The following SGCZ variants were observed in gnomAD, a reference collection of about 807,000 sequenced individuals.
The protein encoded by SGCZ is zeta-sarcoglycan.
A neutral mutation model predicts 41.3 loss-of-function variants in SGCZ; 40 were observed. The ratio of observed to expected loss-of-function variants is 0.97; its 90% CI spans 0.75 to 1.26. The LOEUF (loss-of-function observed/expected upper bound fraction) is 1.26. SGCZ is among the 50% of genes most tolerant of loss of function. The probability of loss-of-function intolerance (pLI) is 0.00; values close to 1 mark genes in which losing one functional copy is unlikely to be tolerated. For missense variants in SGCZ, 552 were observed against 369.8 expected (o/e 1.49, Z -4.04); for synonymous variants, 206 against 137.5 (o/e 1.50, Z -3.49).
chr8:14,506,729 A>T (rs1463492056), intron 2 of SGCZ, among the ~76,000 whole-genome samples: 2 of 152,064 alleles, frequency 1.3e-5, no homozygotes, highest in East Asian at 3.9e-4. Flanking sequence ...ACTAAATTGA[A>T]TGGTCCATCT....
At chr8:14,819,196 A>G (rs1801995084) in intron 1 of SGCZ, among the ~76,000 whole-genome samples, 4 of 152,192 alleles carry the variant, frequency 2.6e-5, no homozygotes, top group South Asian at 4.1e-4. Context: ...GTCAAGTCAC[A>G]TATAAGGGAA....
rs1009294207 is a variant in SGCZ at position 14,654,009 on chromosome 8, T to C, written c.40-99083A>G. 3.9e-5 allele frequency among the ~76,000 whole-genome samples: 6 copies of C among 152,234 alleles called. 1 individual carries two copies. In the East Asian group the frequency reaches 9.7e-4, roughly 25 times the overall value. On this transcript the variant is annotated intron_variant, in intron 1 of 7. Transcript: ENST00000382080. ...TGCTTGCTCAATTGAATTTCTTCAA[T>C]GAAGCCATTTAGGACAATGCATGAT...
At chr8:14,239,957 A>T (rs1049777292) in intron 3 of SGCZ, among the ~76,000 whole-genome samples, 2 of 150,614 alleles carry the variant, frequency 1.3e-5, no homozygotes, top group Admixed American at 6.6e-5. Flanking sequence ...CTTATTACAC[A>T]TGTTAAAATA....
intron 1 of SGCZ, among the ~76,000 whole-genome samples, chr8:14,994,071 C>T (rs1026099599): frequency 2.0e-5 from 3 of 152,098 alleles, no homozygotes; most frequent in African/African-American, 4.8e-5. Flanking sequence ...TGATTGGGTT[C>T]TGAGTATATT....
intron 2 of SGCZ, among the ~76,000 whole-genome samples, chr8:14,461,188 C>A (rs1032352560): frequency 6.6e-6 from 1 of 152,208 alleles, no homozygotes; most frequent in South Asian, 2.1e-4. Flanking sequence ...CTCCTACATT[C>A]CTTGTAGACA....
At chr8:14,199,571 G>T (rs1258470178) in intron 4 of SGCZ, among the ~76,000 whole-genome samples, 4 of 151,954 alleles carry the variant, frequency 2.6e-5, no homozygotes, top group Admixed American at 6.6e-5. Context: ...ATAAAAACTT[G>T]CTGGTTTTAC....
Position 14,985,441 on chromosome 8 carries a change from G to T in SGCZ, c.39+252144C>A, listed in dbSNP as rs1213553145. On this transcript the variant is annotated intron_variant, in intron 1 of 7. Transcript: ENST00000382080. Reference sequence around the variant, plus strand: ...CACACATGAAGTCACTTTATTTCAGGCAACTTTCCACTAAGAGGCAGAGCA... The same window carrying T: ...CACACATGAAGTCACTTTATTTCAGTCAACTTTCCACTAAGAGGCAGAGCA... Among the ~76,000 whole-genome samples the T allele has an allele frequency of 2.0e-5, 3 of 152,066 alleles. No individual in the cohort carries two copies. In the East Asian group the frequency reaches 5.8e-4, roughly 29 times the overall value.
At chr8:14,241,278 C>G (rs1047455404) in intron 3 of SGCZ, among the ~76,000 whole-genome samples, 1 of 151,520 alleles carries the variant, frequency 6.6e-6, no homozygotes. Flanking sequence ...ATAGTTTATT[C>G]TTGCTGAGAA....
intron 1 of SGCZ, among the ~76,000 whole-genome samples, chr8:14,928,547 C>T (rs1355535875): frequency 6.6e-6 from 1 of 152,124 alleles, no homozygotes; most frequent in African/African-American, 2.4e-5. Context: ...CTAAATTTAG[C>T]TTTAAACGTG....
chr8:15,097,783 TGTATATATATATAC>T (rs1322436422), intron 1 of SGCZ, among the ~76,000 whole-genome samples: 26 of 140,640 alleles, frequency 1.8e-4, no homozygotes, highest in African/African-American at 6.9e-4. Context: ...TATATATACG[TGTATATATATATAC>T]GTGTATATAT....
At chr8:14,581,232 G>A (rs968571699) in intron 1 of SGCZ, among the ~76,000 whole-genome samples, 5 of 151,990 alleles carry the variant, frequency 3.3e-5, no homozygotes, top group African/African-American at 1.2e-4. Flanking sequence ...CCTCAGCCAT[G>A]TGACTAGCTG....
chr8:14,557,941 T>C (rs967816593), intron 1 of SGCZ, among the ~76,000 whole-genome samples: 3 of 152,062 alleles, frequency 2.0e-5, no homozygotes, highest in East Asian at 3.9e-4. Flanking sequence ...AAGAAAAGAA[T>C]AGCGAAGCTC....
intron 5 of SGCZ, among the ~76,000 whole-genome samples, chr8:14,135,179 C>T (rs1314048298): frequency 6.6e-6 from 1 of 151,960 alleles, no homozygotes; most frequent in Non-Finnish European, 1.5e-5. Context: ...GAGTACTAGG[C>T]ATATAGTGGG....
chr8:14,257,202 C>T (rs560438668), intron 3 of SGCZ, among the ~76,000 whole-genome samples: 81 of 152,036 alleles, frequency 5.3e-4, no homozygotes, highest in South Asian at 8.3e-4. Flanking sequence ...TGGTACACAC[C>T]TGTAGTCTCA....
At chr8:14,814,121 T>G (rs1336401392) in intron 1 of SGCZ, among the ~76,000 whole-genome samples, 1 of 152,198 alleles carries the variant, frequency 6.6e-6, no homozygotes, top group East Asian at 1.9e-4. Context: ...GAACAGGATA[T>G]AGGAAAAAGC....
chr8:14,393,155 G>T (rs1804837763), intron 2 of SGCZ, among the ~76,000 whole-genome samples: 1 of 152,076 alleles, frequency 6.6e-6, no homozygotes, highest in South Asian at 2.1e-4. Flanking sequence ...ACGTATAAAG[G>T]ATAAAGTAGT....
At chr8:15,012,354 T>G (rs1299762440) in intron 1 of SGCZ, among the ~76,000 whole-genome samples, 1 of 150,866 alleles carries the variant, frequency 6.6e-6, no homozygotes, top group Admixed American at 6.7e-5. Context: ...TCCTAGTTAT[T>G]TGGGAGGCTG....
intron 1 of SGCZ, among the ~76,000 whole-genome samples, chr8:14,734,686 C>G (rs1798973411): frequency 6.6e-6 from 1 of 152,074 alleles, no homozygotes; most frequent in Non-Finnish European, 1.5e-5. Flanking sequence ...CCACCCTCTC[C>G]AAGCTTCCTC....
chr8:14,452,844 A>G (rs1249628774), intron 2 of SGCZ, among the ~76,000 whole-genome samples: 2 of 152,156 alleles, frequency 1.3e-5, no homozygotes, highest in Non-Finnish European at 2.9e-5. Flanking sequence ...TCACGCCTGT[A>G]CAAATCCCAG....
Sources: allele counts gnomAD v4.1 joint callset (sites outside exome capture counted in the v4.1 genomes callset), GRCh38; gene constraint gnomAD v4.1.1; transcripts MANE v1.5; gene names NCBI Gene and HGNC (gene_info 2026-07-23, HGNC 2026-07-21).